The following ALCAM variants were observed in gnomAD, a reference collection of about 807,000 sequenced individuals.
The protein encoded by ALCAM is activated leukocyte cell adhesion molecule, also known as CD166 antigen.
A neutral mutation model predicts 70.9 loss-of-function variants in ALCAM; 30 were observed. That is an observed-to-expected ratio of 0.42 (90% CI 0.32 to 0.57). ALCAM has a LOEUF of 0.57. ALCAM is among the 20% of genes least tolerant of loss of function. The pLI, the probability that ALCAM is intolerant of heterozygous loss-of-function variation, is 0.11. For synonymous variants in ALCAM, 249 were observed against 242.5 expected, an observed-to-expected ratio of 1.03 and a Z score of -0.25; for missense variants, 591 against 695.1, an observed-to-expected ratio of 0.85 and a Z score of 1.68.
chr3:105,471,113 T>C (rs1383588756), intron 1 of ALCAM, among the ~76,000 whole-genome samples: 1 of 151,402 alleles, frequency 6.6e-6, no homozygotes, highest in African/African-American at 2.4e-5. Flanking sequence ...CCATTTATTC[T>C]TATACATGTA....
intron 1 of ALCAM, among the ~76,000 whole-genome samples, chr3:105,370,078 T>C (rs1274993018): frequency 6.6e-6 from 1 of 152,218 alleles, no homozygotes; most frequent in African/African-American, 2.4e-5. Context: ...CTCTATGGGA[T>C]TTTTCATAAC....
At chr3:105,404,313 G>T in intron 1 of ALCAM, among the ~76,000 whole-genome samples, 1 of 152,038 alleles carries the variant, frequency 6.6e-6, no homozygotes, top group Non-Finnish European at 1.5e-5. Context: ...ACAAAAGAAA[G>T]AATCTTAAGA....
intron 1 of ALCAM, among the ~76,000 whole-genome samples, chr3:105,400,954 A>G (rs1488991182): frequency 6.6e-6 from 1 of 152,244 alleles, no homozygotes. Flanking sequence ...GTATTAAAGC[A>G]TTTTGTACAC....
At chr3:105,445,218 C>T (rs1484961425) in intron 1 of ALCAM, among the ~76,000 whole-genome samples, 1 of 151,890 alleles carries the variant, frequency 6.6e-6, no homozygotes, top group Non-Finnish European at 1.5e-5. Context: ...ATCCGATTTA[C>T]AATAACTAAC....
intron 1 of ALCAM, among the ~76,000 whole-genome samples, chr3:105,405,262 A>G (rs1936193901): frequency 7.1e-6 from 1 of 141,268 alleles, no homozygotes. Flanking sequence ...GGACAACAAG[A>G]GCAAAACTTC....
chr3:105,567,985 C>T (rs1346522348), intron 14 of ALCAM, among the ~76,000 whole-genome samples: 3 of 151,314 alleles, frequency 2.0e-5, no homozygotes, highest in South Asian at 2.1e-4. Flanking sequence ...GTTAATTTTA[C>T]GGTTTGTATT....
intron 14 of ALCAM, among the ~76,000 whole-genome samples, chr3:105,553,821 G>T (rs1347584599): frequency 1.3e-5 from 2 of 151,900 alleles, no homozygotes; most frequent in African/African-American, 2.4e-5. Context: ...TAGTTTGTAG[G>T]GCACAGAATT....
intron 1 of ALCAM, among the ~76,000 whole-genome samples, chr3:105,425,789 T>G: frequency 6.7e-6 from 1 of 149,502 alleles, no homozygotes; most frequent in Non-Finnish European, 1.5e-5. Context: ...TAAAGTGGAG[T>G]AGATTCTGTA....
chr3:105,395,932 C>A (rs946815723), intron 1 of ALCAM, among the ~76,000 whole-genome samples: 4 of 151,924 alleles, frequency 2.6e-5, no homozygotes, highest in Non-Finnish European at 5.9e-5. Flanking sequence ...CATAGTTTGC[C>A]TAGTTCTGAA....
rs1052438369 is a variant in ALCAM at position 105,481,211 on chromosome 3, A to G, written c.74-38856A>G. ...TTGCTTAATGGGGCTAATAAAGCAAATGCCACTAGATTTGGCTCCTATATA... is the reference window on the plus strand; with the variant it reads ...TTGCTTAATGGGGCTAATAAAGCAAGTGCCACTAGATTTGGCTCCTATATA... On this transcript the variant is annotated intron_variant, in intron 1 of 15. Transcript: ENST00000306107. 3.9e-5 allele frequency among the ~76,000 whole-genome samples: 6 copies of G among 152,252 alleles called. No individual in the cohort carries two copies. In the East Asian group the frequency reaches 1.2e-3, roughly 29 times the overall value.
chr3:105,428,104 T>G (rs1365526579), intron 1 of ALCAM, among the ~76,000 whole-genome samples: 7 of 151,800 alleles, frequency 4.6e-5, no homozygotes, highest in Non-Finnish European at 4.4e-5. Flanking sequence ...AGGCTGGGAG[T>G]TGCTATGTGT....
intron 14 of ALCAM, among the ~76,000 whole-genome samples, chr3:105,557,417 T>C (rs1487091230): frequency 6.6e-6 from 1 of 152,108 alleles, no homozygotes; most frequent in Non-Finnish European, 1.5e-5. Flanking sequence ...TCCATGGCCC[T>C]CTCCTCTTCT....
At chr3:105,528,585 A>G (rs544498633) in intron 3 of ALCAM, among the ~76,000 whole-genome samples, 1 of 152,294 alleles carries the variant, frequency 6.6e-6, no homozygotes, top group East Asian at 1.9e-4. Context: ...AAGCCCTACA[A>G]TTTACTTGGT....
At chr3:105,491,911 T>C (rs1938596369) in intron 1 of ALCAM, among the ~76,000 whole-genome samples, 1 of 152,202 alleles carries the variant, frequency 6.6e-6, no homozygotes, top group Admixed American at 6.5e-5. Context: ...AGTTCCAAAG[T>C]CACTTTCACA....
Position 105,552,490 on chromosome 3 carries a change from T to C in ALCAM, c.1569T>C (p.Asn523=). 1 of 1,611,790 alleles carries C rather than the reference T, an allele frequency of 6.2e-7. No individual in the cohort carries two copies. Among genetic ancestry groups the C allele is most frequent in the Non-Finnish European group, 8.5e-7 (1 of 1,178,336 alleles). ...EISDENREKV[N]DQAKLIVGIV... ...CAGATGAAAACAGAGAAAAGGTGAA[T>C]GACCAGGCAAAACTAATTGTGGGAA... The change falls in exon 14 of 16, where the codon AAT becomes AAC. Residue 523 remains asparagine, a synonymous_variant. Transcript: ENST00000306107.
chr3:105,413,144 G>A (rs1310591124), intron 1 of ALCAM, among the ~76,000 whole-genome samples: 2 of 151,992 alleles, frequency 1.3e-5, no homozygotes, highest in African/African-American at 2.4e-5. Context: ...ACATCTCTAA[G>A]TTCTCCATTT....
chr3:105,434,832 A>G (rs960440630), intron 1 of ALCAM, among the ~76,000 whole-genome samples: 8 of 152,124 alleles, frequency 5.3e-5, no homozygotes, highest in Admixed American at 4.6e-4. Flanking sequence ...ACCTAATGAA[A>G]TTTCTTGCCA....
intron 1 of ALCAM, among the ~76,000 whole-genome samples, chr3:105,481,076 G>A (rs1938257317): frequency 6.6e-6 from 1 of 151,984 alleles, no homozygotes; most frequent in Admixed American, 6.6e-5. Context: ...GTTTGGTTTT[G>A]TTTTTTTACT....
chr3:105,551,325 C>A (rs887251698), intron 12 of ALCAM, among the ~76,000 whole-genome samples: 2 of 151,568 alleles, frequency 1.3e-5, no homozygotes, highest in Non-Finnish European at 3.0e-5. Flanking sequence ...ACACAAGTTT[C>A]TCTTTTTATG....
Sources: gnomAD v4.1 joint callset for allele counts (sites outside exome capture counted in the v4.1 genomes callset) on GRCh38, gnomAD v4.1.1 for gene constraint, MANE v1.5 for transcripts, NCBI Gene and HGNC (gene_info 2026-07-23, HGNC 2026-07-21) for gene names.